The following SORBS2 variants were observed in gnomAD, a reference collection of about 807,000 sequenced individuals.
SORBS2 encodes the protein sorbin and SH3 domain containing 2.
Under a neutral mutation model 97.7 loss-of-function variants are expected in SORBS2, and 46 were observed. The observed-to-expected ratio is 0.47, with a 90% CI of 0.37 to 0.60. SORBS2 has a LOEUF of 0.60. Ranked by LOEUF, SORBS2 falls within the 20% of genes least tolerant of loss-of-function variation. SORBS2 has a pLI of 0.00. For missense variants in SORBS2, 1,316 were observed against 1,282.3 expected (o/e 1.03, Z -0.40); for synonymous variants, 476 against 473.4 (o/e 1.01, Z -0.07).
chr4:185,850,976 G>C (rs1181029800), intron 1 of SORBS2, among the ~76,000 whole-genome samples: 1 of 152,114 alleles, frequency 6.6e-6, no homozygotes, highest in Non-Finnish European at 1.5e-5. Flanking sequence ...CTCAGATGTT[G>C]GTGCTTCTGG....
At chr4:185,767,808 G>C (rs952393643) in intron 2 of SORBS2, among the ~76,000 whole-genome samples, 5 of 152,088 alleles carry the variant, frequency 3.3e-5, no homozygotes, top group Admixed American at 6.6e-5. Context: ...TAATCACCTT[G>C]AACATTGCTC....
At chr4:185,816,398 T>C (rs1336138695) in intron 1 of SORBS2, among the ~76,000 whole-genome samples, 1 of 152,198 alleles carries the variant, frequency 6.6e-6, no homozygotes. Context: ...TTTGTAAAGC[T>C]TAGATTGAAT....
At chr4:185,712,719 C>T (rs896252847) in intron 2 of SORBS2, among the ~76,000 whole-genome samples, 4 of 152,190 alleles carry the variant, frequency 2.6e-5, no homozygotes, top group East Asian at 3.9e-4. Context: ...CCAAAGCGGC[C>T]AGCGGGTTCC....
upstream of SORBS2, among the ~76,000 whole-genome samples, chr4:185,659,646 C>G (rs542760886): frequency 6.6e-6 from 1 of 152,004 alleles, no homozygotes; most frequent in Non-Finnish European, 1.5e-5. Flanking sequence ...TGGCCTCGAT[C>G]TCCTGACCTC....
chr4:185,623,405 A>C lies in SORBS2; in HGVS notation c.1724T>G (p.Met575Arg). The C allele has an allele frequency of 6.2e-7, 1 of 1,611,616 alleles. No individual in the cohort carries two copies. The highest frequency in any genetic ancestry group is 8.5e-7 in the Non-Finnish European group (1 of 1,179,978). The stretch of plus-strand genomic sequence containing the variant: ...GTGTCTGGCTCTTTCGTGTTTTAAC[A>C]TTGTGGTAAATCGAGTGTAGGAGGC... The change falls in exon 7 of 15, where the codon ATG becomes AGG. Residue 575 changes from methionine (M) to arginine (R), a missense_variant. Met to Arg is a moderately conservative substitution (Grantham distance 91, BLOSUM62 -1). Coordinates refer to ENST00000418609, the Ensembl canonical transcript of SORBS2. This position sits in a 1 kb window ranked among gnomAD's most constrained non-coding sequence, Gnocchi z 6.4.
chr4:185,928,163 T>C (rs181756274), intron 1 of SORBS2, among the ~76,000 whole-genome samples: 160 of 152,212 alleles, frequency 1.1e-3, no homozygotes, highest in South Asian at 0.01. Context: ...TTCATCACTT[T>C]GGGGGACCAA....
intron 1 of SORBS2, among the ~76,000 whole-genome samples, chr4:185,799,818 C>T (rs1028753344): frequency 6.6e-5 from 10 of 152,190 alleles, no homozygotes; most frequent in African/African-American, 2.4e-4. Flanking sequence ...GATGAGGGAA[C>T]TGTGGCATAG....
At chr4:185,646,340 CT>C (rs2097206748) in intron 4 of SORBS2, 1 of 180,804 alleles carries the variant, frequency 5.5e-6, no homozygotes, top group Non-Finnish European at 1.1e-5. Flanking sequence ...GCAAATGAAT[CT>C]TGCATATAAA....
At chr4:185,605,447 T>C (rs899773797) in intron 12 of SORBS2, among the ~76,000 whole-genome samples, 4 of 151,728 alleles carry the variant, frequency 2.6e-5, no homozygotes, top group Admixed American at 2.6e-4. Context: ...CATGTCTGAC[T>C]AATTTTTGTA....
chr4:185,682,112 T>A (rs753949135), intron 2 of SORBS2, among the ~76,000 whole-genome samples: 16 of 152,352 alleles, frequency 1.1e-4, no homozygotes, highest in Non-Finnish European at 1.9e-4. Flanking sequence ...TCTCATTTAT[T>A]CTGACAAATC....
At chr4:185,840,152 A>T (rs2099210603) in intron 1 of SORBS2, among the ~76,000 whole-genome samples, 1 of 152,184 alleles carries the variant, frequency 6.6e-6, no homozygotes, top group African/African-American at 2.4e-5. Context: ...TGATAGCGAG[A>T]TTCCACGGTC....
chr4:185,593,023 G>T (rs1278175735), intron 13 of SORBS2: 2 of 152,242 alleles, frequency 1.3e-5, no homozygotes, highest in Non-Finnish European at 2.9e-5. Flanking sequence ...AAGGCACCAG[G>T]TCATATGCCA....
At chr4:185,758,272 T>C (rs1359264148) in intron 2 of SORBS2, among the ~76,000 whole-genome samples, 7 of 152,224 alleles carry the variant, frequency 4.6e-5, no homozygotes, top group East Asian at 3.8e-4. Context: ...CAGGACCCCA[T>C]TGAGGTCCAT....
intron 2 of SORBS2, among the ~76,000 whole-genome samples, chr4:185,758,216 G>A (rs1392315727): frequency 1.3e-5 from 2 of 152,188 alleles, no homozygotes; most frequent in Admixed American, 6.5e-5. Flanking sequence ...TAAATATCAT[G>A]CGAAAGACTT....
At chr4:185,661,934 C>T (rs943263409), upstream of SORBS2, among the ~76,000 whole-genome samples, 8 of 152,178 alleles carry the variant, frequency 5.3e-5, no homozygotes, top group Non-Finnish European at 1.0e-4. Context: ...CTTGGAATAG[C>T]ATGGTGCCCA....
chr4:185,672,334 G>T (rs1191823207), intron 4 of SORBS2, among the ~76,000 whole-genome samples: 1 of 152,230 alleles, frequency 6.6e-6, no homozygotes, highest in Admixed American at 6.5e-5. Flanking sequence ...GATTGATTAT[G>T]TTATTTCATA....
In SORBS2 at chr4:185,741,213, C is replaced by T. The variant is rs755955767; in HGVS notation, c.-198+34014G>A. Among the ~76,000 whole-genome samples, 7 of 151,650 alleles carry T rather than the reference C, an allele frequency of 4.6e-5. No individual in the cohort carries two copies. The East Asian group carries it at 5.8e-4, about 13-fold the overall frequency. ...AACATAAGACAGTAAAGAGGGGCAT[C>T]GTTAGAAACCTTTAGCATTATGTCA... On this transcript the variant is annotated intron_variant, in intron 2 of 20. Coordinates refer to the SORBS2 transcript ENST00000284776.
At chr4:185,686,241 C>T (rs1409874382) in intron 2 of SORBS2, among the ~76,000 whole-genome samples, 1 of 151,758 alleles carries the variant, frequency 6.6e-6, no homozygotes, top group Admixed American at 6.6e-5. Context: ...TTGGACATGA[C>T]AGAATTTAGA....
chr4:185,709,996 G>A (rs2098403970), intron 2 of SORBS2: 2 of 152,096 alleles, frequency 1.3e-5, no homozygotes, highest in African/African-American at 4.8e-5. Flanking sequence ...ACATTGGTAA[G>A]TATGTTAAGG....
Sources: gnomAD v4.1 joint callset for allele counts (sites outside exome capture counted in the v4.1 genomes callset) on GRCh38, gnomAD v4.1.1 for gene constraint, Gnocchi (gnomAD v3.1) non-coding constraint, MANE v1.5 for transcripts, NCBI Gene and HGNC (gene_info 2026-07-23, HGNC 2026-07-21) for gene names.